The following ING5 variants were observed in gnomAD, a reference collection of about 807,000 sequenced individuals.
The protein encoded by ING5 is inhibitor of growth protein 5.
ING5 carries 17 observed loss-of-function variants against 37.4 expected under a neutral mutation model. That is an observed-to-expected ratio of 0.45 (90% CI 0.31 to 0.68). The LOEUF is 0.68. ING5 is among the 30% of genes least tolerant of loss of function. ING5 has a pLI of 0.05. For missense variants in ING5, 233 were observed against 311.9 expected (o/e 0.75, Z 1.91); for synonymous variants, 123 against 116.6 (o/e 1.06, Z -0.36).
Position 241,702,094 on chromosome 2 carries a change from A to C in ING5, c.29A>C (p.Tyr10Ser). Residue 10 changes from tyrosine to serine, a missense_variant, in exon 1 of 8, where the codon TAT becomes TCT. Tyr to Ser is a moderately radical substitution (Grantham distance 144). This residue lies in a region of ING5 where 93 missense variants were observed against 99.7 expected (regional missense o/e 0.93). Coordinates refer to ENST00000313552, the MANE Select transcript of ING5 (RefSeq NM_032329.6). The part of the protein sequence containing the change: MATAMYLEH[Y>S]LDSIENLPCE... ...GCGACCGCCATGTACTTGGAGCACT[A>C]TCTGGACAGTAAGCGCGCCCCACGG... 2 of 1,361,086 alleles carry C rather than the reference A, an allele frequency of 1.5e-6. No individual in the cohort carries two copies. Among genetic ancestry groups the C allele is most frequent in the Non-Finnish European group, 1.9e-6 (2 of 1,048,568 alleles). 84.3% of individuals were successfully genotyped at this position (1,361,086 alleles called of 1,614,324 possible). A position where few individuals can be genotyped will look rare whatever the true frequency, so the allele number is the denominator to read the frequency against.
chr2:241,691,743 C>G (rs1015788176), intron 2 of ING5, among the ~76,000 whole-genome samples: 1 of 152,044 alleles, frequency 6.6e-6, no homozygotes, highest in Non-Finnish European at 1.5e-5. Context: ...CCAGCCCTAT[C>G]GGATTAGGGT....
chr2:241,705,399 T>C (rs6437283), intron 2 of ING5, among the ~76,000 whole-genome samples: 56,095 of 136,350 alleles, frequency 0.41, 11,861 homozygotes, highest in Middle Eastern at 0.48. Context: ...TTTTTCTTTT[T>C]TTTTTTTTTT....
In ING5 at chr2:241,695,323, CTT is replaced by C. The variant is rs373991877; in HGVS notation, c.43+4673_43+4674del. On this transcript the variant is annotated intron_variant, in intron 2 of 7. Transcript: ENST00000636051. ...AGCCTTCCAGCCACCCCAGTGATCT[CTT>C]TTCTGTCACACTGGACAGGACAGTC... Among the ~76,000 whole-genome samples the C allele has an allele frequency of 1.3e-3, 192 of 152,124 alleles. 5 individuals are homozygous for C. Among genetic ancestry groups the C allele is most frequent in the African/African-American group, 4.2e-3 (174 of 41,384 alleles).
At chr2:241,718,255 C>T (rs767808110) in intron 5 of ING5, among the ~76,000 whole-genome samples, 2 of 151,942 alleles carry the variant, frequency 1.3e-5, no homozygotes, top group African/African-American at 2.4e-5. Context: ...TCAAGTGATC[C>T]GCCCAGCTCA....
In ING5 at chr2:241,696,603, T is replaced by C. The variant is rs144587907; in HGVS notation, c.43+5950T>C. On this transcript the variant is annotated intron_variant, in intron 2 of 7. Coordinates refer to the ING5 transcript ENST00000636051. ...GAGTTGGAGACCAGCCTGGGCAACA[T>C]AGATACCCCAACTCTACAGAAAAAA... Among the ~76,000 whole-genome samples, 647 of 151,426 alleles carry C rather than the reference T, an allele frequency of 4.3e-3. 3 individuals are homozygous for C. Among genetic ancestry groups the C allele is most frequent in the Non-Finnish European group, 6.6e-3 (446 of 67,902 alleles).
intron 2 of ING5, among the ~76,000 whole-genome samples, chr2:241,708,759 C>T (rs2070006137): frequency 1.3e-5 from 2 of 152,070 alleles, no homozygotes; most frequent in Admixed American, 1.3e-4. Context: ...GGGTTGTTTT[C>T]TGTTTTCTGC....
chr2:241,701,785 C>T (rs1039866103), upstream of ING5, among the ~76,000 whole-genome samples: 6 of 152,094 alleles, frequency 3.9e-5, no homozygotes, highest in African/African-American at 1.2e-4. Flanking sequence ...GTGCCCTGGG[C>T]CGCACGCCGG....
At chr2:241,722,577 G>A (rs867409118) in intron 5 of ING5, 10 of 985,258 alleles carry the variant, frequency 1.0e-5, no homozygotes, top group African/African-American at 3.5e-5. Flanking sequence ...CAATCTGTTC[G>A]TATACTTAAT....
rs1018512076 is a variant in ING5, at chr2:241,729,123, A to C, written c.*4092A>C. On this transcript the variant is annotated 3_prime_UTR_variant, in exon 8 of 8. Coordinates refer to ENST00000313552, the MANE Select transcript of ING5 (RefSeq NM_032329.6). Reference sequence around the variant, plus strand: ...GCATTGAAGACTTAAGGTTTTCTTAAATTTTTAGTGAGCAGTGATTGGCCT... The same window carrying C: ...GCATTGAAGACTTAAGGTTTTCTTACATTTTTAGTGAGCAGTGATTGGCCT... The C allele has an allele frequency of 2.6e-5, 4 of 152,510 alleles. No homozygotes were observed. Among genetic ancestry groups the C allele is most frequent in the Non-Finnish European group, 1.5e-5 (1 of 68,038 alleles). The allele number at this position is 152,510 out of a possible 1,614,324, so 9.4% of individuals were successfully genotyped here.
At chr2:241,704,597 G>A (rs575063515) in intron 1 of ING5, 56 bp from the exon 2 acceptor site, 3 of 1,385,944 alleles carry the variant, frequency 2.2e-6, no homozygotes, top group Admixed American at 1.7e-5. Context: ...ACCTTTGGAG[G>A]TGAATTTTTG....
intron 2 of ING5, among the ~76,000 whole-genome samples, chr2:241,696,426 AAAAAC>A: frequency 6.6e-6 from 1 of 151,990 alleles, no homozygotes; most frequent in African/African-American, 2.4e-5. Flanking sequence ...CCCCAAAACA[AAAAAC>A]AAAACAGAAT....
In ING5 at chr2:241,709,058, C is replaced by T. The variant is rs546450679; in HGVS notation, c.110-158C>T. ...ACGATCCCAGACTGTTTGTGCAGAA[C>T]GGTTCTGCCCACTTGCGCTCCCACC... is the stretch of plus-strand genomic sequence containing the variant. On this transcript the variant is annotated intron_variant, in intron 2 of 7. Transcript: ENST00000313552. 1.7e-4 allele frequency: 120 copies of T among 717,326 alleles called. 1 individual carries two copies. Among genetic ancestry groups the T allele is most frequent in the Non-Finnish European group, 2.8e-4 (116 of 418,208 alleles). 44.4% of individuals were successfully genotyped at this position (717,326 alleles called of 1,614,324 possible). A position where few individuals can be genotyped will look rare whatever the true frequency, so the allele number is the denominator to read the frequency against.
chr2:241,713,374 T>G (rs940625101), intron 5 of ING5, among the ~76,000 whole-genome samples: 15 of 142,828 alleles, frequency 1.1e-4, no homozygotes, highest in African/African-American at 2.1e-4. Flanking sequence ...TCAGTTTTTT[T>G]TTTTTTTTTT....
At chr2:241,722,907 C>T in intron 5 of ING5, 32 bp from the exon 6 acceptor site, 2 of 1,612,116 alleles carry the variant, frequency 1.2e-6, no homozygotes, top group Non-Finnish European at 1.7e-6. Flanking sequence ...CCACCATGGC[C>T]TTCAGTGGTG....
intron 2 of ING5, among the ~76,000 whole-genome samples, chr2:241,705,394 CTT>C (rs774566608): frequency 1.0e-4 from 12 of 117,246 alleles, no homozygotes; most frequent in Admixed American, 1.9e-4. Context: ...CTGTTTTTTT[CTT>C]TTTTTTTTTT....
At chr2:241,716,132 A>G (rs2070261318) in intron 5 of ING5, among the ~76,000 whole-genome samples, 1 of 151,784 alleles carries the variant, frequency 6.6e-6, no homozygotes, top group African/African-American at 2.4e-5. Flanking sequence ...TTCATATTTA[A>G]CATAATTAAT....
chr2:241,699,305 G>A (rs904857925), upstream of ING5, among the ~76,000 whole-genome samples: 1 of 152,322 alleles, frequency 6.6e-6, no homozygotes, highest in Non-Finnish European at 1.5e-5. Context: ...GATTACAGGC[G>A]TGAGCCACCA....
chr2:241,693,292 C>T lies in ING5; in HGVS notation c.43+2639C>T, dbSNP rs1194873319. ...AAAAAAGCAAAGCTCCTTAAGGGCC[C>T]TATCTACAAACAGTCACGTTGGGGG... On this transcript the variant is annotated intron_variant, in intron 2 of 7. Coordinates refer to the ING5 transcript ENST00000636051. Among the ~76,000 whole-genome samples, 8 of 151,226 alleles carry T rather than the reference C, an allele frequency of 5.3e-5. No homozygotes were observed. In the East Asian group the frequency reaches 1.6e-3, roughly 30 times the overall value.
At chr2:241,714,182 C>G (rs1314977625) in intron 5 of ING5, among the ~76,000 whole-genome samples, 2 of 152,152 alleles carry the variant, frequency 1.3e-5, no homozygotes, top group Admixed American at 1.3e-4. Context: ...CTCCTGCCCC[C>G]AAATAAACAT....
Sources: gnomAD v4.1 joint callset for allele counts (sites outside exome capture counted in the v4.1 genomes callset) on GRCh38, gnomAD v4.1.1 for gene constraint, gnomAD v4.1.1 regional missense constraint, MANE v1.5 for transcripts, NCBI Gene and HGNC (gene_info 2026-07-23, HGNC 2026-07-21) for gene names.